Variants in LTBP1 observed in about 807,000 individuals in gnomAD.
LTBP1 encodes latent transforming growth factor beta binding protein 1.
In LTBP1, 129 loss-of-function variants were observed where a neutral mutation model predicts 207.6. The ratio of observed to expected loss-of-function variants is 0.62; its 90% CI spans 0.54 to 0.72. The LOEUF is 0.72. Among genes scored for constraint, LTBP1 ranks in the 30% least tolerant of loss-of-function variants. The pLI is 0.00. For synonymous variants in LTBP1, 963 were observed against 833.7 expected, an observed-to-expected ratio of 1.16 and a Z score of -2.67; for missense variants, 2,281 against 2,217.2, an observed-to-expected ratio of 1.03 and a Z score of -0.58.
chr2:33,091,160 GTGTA>G (rs918418955), intron 3 of LTBP1, among the ~76,000 whole-genome samples: 4 of 152,274 alleles, frequency 2.6e-5, no homozygotes, highest in African/African-American at 9.6e-5. Flanking sequence ...GTCTACGTGT[GTGTA>G]TGTATGTGTG....
At chr2:33,053,530 G>A (rs977485164) in intron 3 of LTBP1, among the ~76,000 whole-genome samples, 3 of 152,024 alleles carry the variant, frequency 2.0e-5, no homozygotes, top group Non-Finnish European at 2.9e-5. Context: ...CTCGGCCTCG[G>A]CGCCCAGTCT....
At chr2:33,004,331 T>C (rs1271562969) in intron 2 of LTBP1, among the ~76,000 whole-genome samples, 2 of 152,088 alleles carry the variant, frequency 1.3e-5, no homozygotes, top group Non-Finnish European at 2.9e-5. Flanking sequence ...TTGGCCAGTT[T>C]GTATTTGTCC....
At chr2:33,056,425 T>C (rs1302480785) in intron 3 of LTBP1, 2 of 1,027,154 alleles carry the variant, frequency 1.9e-6, no homozygotes, top group Non-Finnish European at 2.7e-6. Context: ...ATGGTGACTT[T>C]GCCCAGCAGC....
intron 2 of LTBP1, among the ~76,000 whole-genome samples, chr2:33,012,830 T>G (rs1412381342): frequency 6.6e-6 from 1 of 152,144 alleles, no homozygotes; most frequent in Non-Finnish European, 1.5e-5. Context: ...AAACCCAAGA[T>G]TTTTCAAAAT....
chr2:33,307,178 CAT>C (rs1357260762), intron 22 of LTBP1, among the ~76,000 whole-genome samples: 1 of 152,188 alleles, frequency 6.6e-6, no homozygotes, highest in Non-Finnish European at 1.5e-5. Flanking sequence ...TCGGAGTTCT[CAT>C]ATGTTTCCTG....
intron 3 of LTBP1, among the ~76,000 whole-genome samples, chr2:33,078,343 C>A (rs939407036): frequency 3.3e-5 from 5 of 152,122 alleles, no homozygotes; most frequent in African/African-American, 1.2e-4. Context: ...AGCAGGTATC[C>A]AGTTAGCACA....
intron 24 of LTBP1, among the ~76,000 whole-genome samples, chr2:33,329,291 C>T (rs1046462680): frequency 6.6e-6 from 1 of 152,064 alleles, no homozygotes; most frequent in African/African-American, 2.4e-5. Context: ...CTTTATTGGC[C>T]CTTTGGATAT....
At chr2:33,158,162 A>AG (rs1288081633) in intron 5 of LTBP1, among the ~76,000 whole-genome samples, 327 of 140,676 alleles carry the variant, frequency 2.3e-3, no homozygotes, top group African/African-American at 4.7e-3. Context: ...AAAAAAAAAA[A>AG]AAAGAGAGAG....
chr2:33,170,775 T>G (rs1335729440), intron 5 of LTBP1, among the ~76,000 whole-genome samples: 21 of 152,042 alleles, frequency 1.4e-4, no homozygotes, highest in Admixed American at 1.3e-3. Context: ...AGGGGCAGAC[T>G]GACACCTCAC....
At chr2:32,949,029 T>C (rs1241987293) in intron 2 of LTBP1, 84 bp downstream of exon 2, 25 of 1,303,000 alleles carry the variant, frequency 1.9e-5, no homozygotes, top group Non-Finnish European at 2.8e-5. Context: ...CAAGGGCCAC[T>C]TGAAAGGGCT....
chr2:33,004,044 C>A (rs1686420978), intron 2 of LTBP1, among the ~76,000 whole-genome samples: 1 of 152,128 alleles, frequency 6.6e-6, no homozygotes, highest in South Asian at 2.1e-4. Context: ...TCCTTTATCT[C>A]CCTGAATACA....
chr2:33,185,528 T>C (rs557997245), intron 5 of LTBP1, among the ~76,000 whole-genome samples: 1 of 151,074 alleles, frequency 6.6e-6, no homozygotes, highest in African/African-American at 2.4e-5. Context: ...GTGTGTAGAG[T>C]CAGTGAAGAA....
At chr2:33,186,098 G>C (rs1316187310) in intron 5 of LTBP1, among the ~76,000 whole-genome samples, 1 of 152,166 alleles carries the variant, frequency 6.6e-6, no homozygotes, top group Non-Finnish European at 1.5e-5. Context: ...GGACTTCACT[G>C]AGATCTTGTT....
At chr2:33,221,797 A>G (rs2091125475) in intron 8 of LTBP1, among the ~76,000 whole-genome samples, 1 of 152,216 alleles carries the variant, frequency 6.6e-6, no homozygotes, top group Non-Finnish European at 1.5e-5. Flanking sequence ...TGATGGAAAT[A>G]TGTAATCACT....
rs557760926 is a variant in LTBP1 at position 33,146,960 on chromosome 2, T to A, written c.1201+12000T>A. Among the ~76,000 whole-genome samples, 6 of 152,278 alleles carry A rather than the reference T, an allele frequency of 3.9e-5. No individual in the cohort carries two copies. The East Asian group carries it at 1.2e-3, about 29-fold the overall frequency. On this transcript the variant is annotated intron_variant, in intron 5 of 33. Coordinates refer to ENST00000404816, the MANE Select transcript of LTBP1 (RefSeq NM_206943.4). The stretch of plus-strand genomic sequence containing the variant: ...AGAGATGAAGTTGTAGCTAATTGTG[T>A]GTTTTGCTAGAGGTTATCAGTGACT...
chr2:33,233,982 A>T (rs184136997), intron 9 of LTBP1, among the ~76,000 whole-genome samples: 113 of 151,862 alleles, frequency 7.4e-4, no homozygotes, highest in African/African-American at 2.6e-3. Context: ...GTATGTGTGT[A>T]GCTCCCTCTT....
At chr2:33,045,293 A>G (rs906092172) in intron 3 of LTBP1, among the ~76,000 whole-genome samples, 1 of 152,188 alleles carries the variant, frequency 6.6e-6, no homozygotes, top group African/African-American at 2.4e-5. Context: ...TTTTTGTATA[A>G]GGTGTAAGGA....
chr2:33,211,706 G>A (rs372415909), intron 7 of LTBP1, among the ~76,000 whole-genome samples: 9 of 152,294 alleles, frequency 5.9e-5, no homozygotes, highest in South Asian at 2.1e-4. Flanking sequence ...ATTTTAATAC[G>A]TGAAAATTAA....
At chr2:33,301,824 T>G (rs1455071024) in intron 22 of LTBP1, among the ~76,000 whole-genome samples, 180 bp downstream of exon 22, 2 of 152,200 alleles carry the variant, frequency 1.3e-5, no homozygotes, top group Non-Finnish European at 2.9e-5. Flanking sequence ...AGAGTCCAGA[T>G]TATCTTTGCA....
Sources: allele counts gnomAD v4.1 joint callset (sites outside exome capture counted in the v4.1 genomes callset), GRCh38; gene constraint gnomAD v4.1.1; transcripts MANE v1.5; gene names NCBI Gene and HGNC (gene_info 2026-07-23, HGNC 2026-07-21).